The following RHBDF1 variants were observed in gnomAD, a reference collection of about 807,000 sequenced individuals.
RHBDF1 encodes inactive rhomboid protein 1.
In RHBDF1, 80 loss-of-function variants were observed where a neutral mutation model predicts 98.6. The observed-to-expected ratio is 0.81, with a 90% CI of 0.68 to 0.98. The LOEUF (loss-of-function observed/expected upper bound fraction) is 0.98, where lower values mean the gene tolerates loss of function less well. Among genes scored for constraint, RHBDF1 ranks in the 50% least tolerant of loss-of-function variants. The pLI is 0.00. For synonymous variants in RHBDF1, 512 were observed against 486.8 expected (o/e 1.05, Z -0.68); for missense variants, 1,116 against 1,198.3 (o/e 0.93, Z 1.01).
rs560686124 is a variant in RHBDF1 at position 71,116 on chromosome 16, A to G, written c.-25+1397T>C. On this transcript the variant is annotated intron_variant, in intron 1 of 17. Transcript: ENST00000262316. ...CTGAAAGGCAGGGGAGACCTGGACG[A>G]CTCCCCCTAAACCAAGAGCGCACCC... Among the ~76,000 whole-genome samples, 107 of 151,442 alleles carry G rather than the reference A, an allele frequency of 7.1e-4. No homozygotes were observed. In the Middle Eastern group the frequency reaches 0.017, roughly 24 times the overall value.
Position 62,125 on chromosome 16 carries a change from G to A in RHBDF1, c.954-73C>T. On this transcript the variant is annotated intron_variant, in intron 7 of 17. Transcript: ENST00000262316. ...GCAGTCCCTCCCCGGGGGGCACCAG[G>A]GCACCCTGTCTCTATCCTGGCGAAT... The A allele has an allele frequency of 3.5e-6, 5 of 1,426,800 alleles. No individual in the cohort carries two copies. The South Asian group carries it at 4.5e-5, about 13-fold the overall frequency. 88.4% of individuals were successfully genotyped at this position (1,426,800 alleles called of 1,614,324 possible). A position where few individuals can be genotyped will look rare whatever the true frequency, so the allele number is the denominator to read the frequency against.
Position 60,473 on chromosome 16 carries a change from T to C in RHBDF1, c.1624A>G (p.Arg542Gly), listed in dbSNP as rs756130216. The C allele has an allele frequency of 2.0e-5, 33 of 1,612,120 alleles. No individual in the cohort carries two copies. The highest frequency in any genetic ancestry group is 2.6e-5 in the Non-Finnish European group (31 of 1,179,998). Residue 542 changes from arginine (R) to glycine (G), a missense_variant, in exon 12 of 18, where the codon AGA becomes GGA. Transcript: ENST00000262316. ...TGGTGGCAGACAGAGCCAAACTGTC[T>C]CTTGTGGCCCGCAAGCTCTGGGGCG... ...PSAPELAGHK[R>G]QFGSVCHQDP...
At chr16:75,678 C>T (rs984326184), upstream of RHBDF1, among the ~76,000 whole-genome samples, 2 of 152,206 alleles carry the variant, frequency 1.3e-5, no homozygotes, top group Non-Finnish European at 2.9e-5. Flanking sequence ...GTAGCTCACA[C>T]ACACCCAACC....
At position 67,126 on chromosome 16, in the gene RHBDF1, G is replaced by C. The variant is rs527430197; in HGVS notation, c.-24-2087C>G. On this transcript the variant is annotated intron_variant, in intron 1 of 17. Transcript: ENST00000262316. ...CTGCTGGTAAGGAATAGCCAGGAGG[G>C]GCCACCTCTGAGTCTCAGACACTAA... Among the ~76,000 whole-genome samples the C allele has an allele frequency of 3.3e-5, 5 of 152,274 alleles. No homozygotes were observed. In the South Asian group the frequency reaches 1.0e-3, roughly 32 times the overall value.
At chr16:70,883 G>A (rs190244051) in intron 1 of RHBDF1, among the ~76,000 whole-genome samples, 1 of 152,346 alleles carries the variant, frequency 6.6e-6, no homozygotes, top group African/African-American at 2.4e-5. Flanking sequence ...AGTTGAAGAA[G>A]GAAGGACTCA....
chr16:64,817 G>A lies in RHBDF1; in HGVS notation c.130C>T (p.Gln44Ter). Residue 44 changes from glutamine (Q) to a stop codon, truncating the protein, a stop_gained, in exon 3 of 18, where the codon CAG becomes TAG. Coordinates refer to ENST00000262316, the MANE Select transcript of RHBDF1 (RefSeq NM_022450.5). LOFTEE classifies it high-confidence loss of function. ...ATACTCACACTCCTCAGGAAAGCCTGTCGCCTCAGGGGCTGGGCAACAGGG... is the reference window on the plus strand; with the variant it reads ...ATACTCACACTCCTCAGGAAAGCCTATCGCCTCAGGGGCTGGGCAACAGGG... ...EPSFLQPLRRQAFLRSVSMPA... is the reference protein window; with the variant it reads ...EPSFLQPLRR 2 of 1,614,104 alleles carry A rather than the reference G, an allele frequency of 1.2e-6. No homozygotes were observed. The highest frequency in any genetic ancestry group is 1.1e-5 in the South Asian group (1 of 91,082).
At chr16:66,357 G>A (rs1287773446) in intron 1 of RHBDF1, among the ~76,000 whole-genome samples, 1 of 152,178 alleles carries the variant, frequency 6.6e-6, no homozygotes, top group Non-Finnish European at 1.5e-5. Context: ...GGGAAACTGA[G>A]GCCAGGAAAC....
At position 58,700 on chromosome 16, in the gene RHBDF1, C is replaced by G; in HGVS notation, c.2208G>C (p.Gln736His). 1 of 1,613,054 alleles carries G rather than the reference C, an allele frequency of 6.2e-7. No individual in the cohort carries two copies. Among genetic ancestry groups the G allele is most frequent in the East Asian group, 2.2e-5 (1 of 44,886 alleles). Residue 736 changes from glutamine to histidine, a missense_variant, in exon 18 of 18, where the codon CAG becomes CAC. Physicochemically the swap from Gln to His is conservative, Grantham distance 24. Coordinates refer to ENST00000262316, the MANE Select transcript of RHBDF1 (RefSeq NM_022450.5). ...AGGGCCGCGCCAGGATCTGCCAGCTCTGGAAGAGCTCCACGAAGAGGCAGG... is the reference window on the plus strand; with the variant it reads ...AGGGCCGCGCCAGGATCTGCCAGCTGTGGAAGAGCTCCACGAAGAGGCAGG... ...ILACLFVELFQSWQILARPWR... is the reference protein window; with the variant it reads ...ILACLFVELFHSWQILARPWR...
In RHBDF1 at chr16:65,204, T is replaced by G. The variant is rs1327286200; in HGVS notation, c.-24-165A>C. 2.0e-5 allele frequency among the ~76,000 whole-genome samples: 3 copies of G among 152,360 alleles called. No homozygotes were observed. In the East Asian group the frequency reaches 5.8e-4, roughly 29 times the overall value. On this transcript the variant is annotated intron_variant, in intron 1 of 17. Transcript: ENST00000262316. Reference sequence around the variant, plus strand: ...GCTCAGCACCGACTTTCTCTGTGCCTGCCTTGTTCATCCCAGCAGACAGTG... The same window carrying G: ...GCTCAGCACCGACTTTCTCTGTGCCGGCCTTGTTCATCCCAGCAGACAGTG...
chr16:64,866 G>A (rs369596490), intron 2 of RHBDF1, 33 bp downstream of exon 2: 1 of 1,613,982 alleles, frequency 6.2e-7, no homozygotes, highest in Non-Finnish European at 8.5e-7. Flanking sequence ...ACTGGACAGG[G>A]GGCACCCACA....
At chr16:75,250 G>A (rs1898065268), upstream of RHBDF1, among the ~76,000 whole-genome samples, 1 of 152,200 alleles carries the variant, frequency 6.6e-6, no homozygotes, top group Admixed American at 6.5e-5. Flanking sequence ...ATGGGTTAGG[G>A]TTAGGGTCTA....
chr16:68,339 C>T lies in RHBDF1; in HGVS notation c.-24-3300G>A, dbSNP rs181759737. The stretch of plus-strand genomic sequence containing the variant: ...ATTCCAAAGGAAGAGCCGGAGTAGG[C>T]GTGGGGAGGGGCAGGCCCAGGCTGG... On this transcript the variant is annotated intron_variant, in intron 1 of 17. Coordinates refer to ENST00000262316, the MANE Select transcript of RHBDF1 (RefSeq NM_022450.5). Among the ~76,000 whole-genome samples the T allele has an allele frequency of 2.6e-3, 389 of 152,316 alleles. 1 individual carries two copies. Among genetic ancestry groups the T allele is most frequent in the African/African-American group, 8.5e-3 (353 of 41,568 alleles).
rs1897666928 is a variant in RHBDF1, at chr16:62,393, C to G, written c.953+145G>C. The G allele has an allele frequency of 3.6e-6, 4 of 1,116,010 alleles. No individual in the cohort carries two copies. The African/African-American group carries it at 6.2e-5, about 17-fold the overall frequency. The allele number at this position is 1,116,010 out of a possible 1,614,324, so 69.1% of individuals were successfully genotyped here. ...CATGCCCAGCTCTGCGTCTCCCACC[C>G]CTGGTGGCCCAGTGAGTAGTGAGTT... is the stretch of plus-strand genomic sequence containing the variant. On this transcript the variant is annotated intron_variant, in intron 7 of 17. Coordinates refer to ENST00000262316, the MANE Select transcript of RHBDF1 (RefSeq NM_022450.5).
chr16:64,707 GGTCTGTGTGATGGAC>G lies in RHBDF1; in HGVS notation c.225_239del (p.Ser76_Thr80del). 6.2e-7 allele frequency: 1 copy of G among 1,611,350 alleles called. No individual in the cohort carries two copies. Among genetic ancestry groups the G allele is most frequent in the African/African-American group, 1.3e-5 (1 of 74,990 alleles). ...CTGGGCGGTGTTGGTACCTGCGGAT[GGTCTGTGTGATGGAC>G]GTCTGGCGTTGCAGCACCGGCCGCC... On this transcript the variant is annotated inframe_deletion, in exon 3 of 18. Transcript: ENST00000262316.
intron 13 of RHBDF1, 153 bp from the exon 14 acceptor site, chr16:59,979 A>G: frequency 2.7e-6 from 4 of 1,486,234 alleles, no homozygotes; most frequent in Non-Finnish European, 3.6e-6. Flanking sequence ...CTGAGTCTCT[A>G]TCAAACTGGA....
chr16:58,832 T>C, intron 17 of RHBDF1, 73 bp from the exon 18 acceptor site: 1 of 1,564,274 alleles, frequency 6.4e-7, no homozygotes, highest in East Asian at 2.2e-5. Flanking sequence ...CTCATCTTTC[T>C]GCCCCACTTC....
At chr16:72,942 G>A (rs1898017161), upstream of RHBDF1, among the ~76,000 whole-genome samples, 1 of 152,148 alleles carries the variant, frequency 6.6e-6, no homozygotes, top group African/African-American at 2.4e-5. Context: ...AGAGGGTGAG[G>A]AGGGAGAGCA....
chr16:60,048 G>A (rs1897548949), intron 13 of RHBDF1, 168 bp downstream of exon 13: 2 of 1,483,386 alleles, frequency 1.3e-6, no homozygotes, highest in South Asian at 1.4e-5. Context: ...TTGCTCAGAG[G>A]GGCAGGCGCT....
chr16:58,704 A>G lies in RHBDF1; in HGVS notation c.2204T>C (p.Phe735Ser), dbSNP rs760582349. Residue 735 changes from phenylalanine to serine, a missense_variant, in exon 18 of 18, where the codon TTC becomes TCC. Physicochemically the swap from Phe to Ser is radical, Grantham distance 155. Transcript: ENST00000262316. ...GILACLFVEL[F>S]QSWQILARPW... is the part of the protein sequence containing the mutation. ...CCGCGCCAGGATCTGCCAGCTCTGG[A>G]AGAGCTCCACGAAGAGGCAGGCCAG... is the stretch of plus-strand genomic sequence containing the variant. 1 of 1,612,904 alleles carries G rather than the reference A, an allele frequency of 6.2e-7. No homozygotes were observed. Among genetic ancestry groups the G allele is most frequent in the African/African-American group, 1.3e-5 (1 of 74,924 alleles).
Sources: gnomAD v4.1 joint callset for allele counts (sites outside exome capture counted in the v4.1 genomes callset) on GRCh38, gnomAD v4.1.1 for gene constraint, MANE v1.5 for transcripts, NCBI Gene and HGNC (gene_info 2026-07-23, HGNC 2026-07-21) for gene names.